The following BCL2L14 variants were observed in gnomAD, a reference collection of about 807,000 sequenced individuals.
The protein encoded by BCL2L14 is apoptosis facilitator Bcl-2-like protein 14.
Under a neutral mutation model 35.3 loss-of-function variants are expected in BCL2L14, and 27 were observed. The ratio of observed to expected loss-of-function variants is 0.76; its 90% CI spans 0.56 to 1.05. The LOEUF is 1.05. BCL2L14 is among the 50% of genes least tolerant of loss of function. BCL2L14 has a pLI of 0.00. For missense variants in BCL2L14, 377 were observed against 382.6 expected (o/e 0.99, Z 0.12); for synonymous variants, 139 against 145.9 (o/e 0.95, Z 0.34).
intron 1 of BCL2L14, 59 bp from the exon 2 acceptor site, chr12:12,079,240 A>T: frequency 5.6e-6 from 8 of 1,425,404 alleles, no homozygotes; most frequent in Non-Finnish European, 7.7e-6. Context: ...GTCTCTCCTA[A>T]CCTGCAAAGG....
chr12:12,097,131 C>A (rs952380712), intron 5 of BCL2L14, among the ~76,000 whole-genome samples: 1 of 151,670 alleles, frequency 6.6e-6, no homozygotes, highest in Non-Finnish European at 1.5e-5. Context: ...GGAGAGAGAG[C>A]GAGACTCTGT....
upstream of BCL2L14, chr12:12,068,289 T>A (rs1382688238): frequency 2.5e-6 from 1 of 397,568 alleles, no homozygotes; most frequent in Non-Finnish European, 4.4e-6. Flanking sequence ...AAACATTGTT[T>A]AGTTATGTAA....
In BCL2L14 at chr12:12,099,152, G is replaced by A. The variant is rs530383236; in HGVS notation, c.*164G>A. 48 of 594,242 alleles carry A rather than the reference G, an allele frequency of 8.1e-5. No homozygotes were observed. Among genetic ancestry groups the A allele is most frequent in the African/African-American group, 3.0e-4 (16 of 53,498 alleles). 36.8% of individuals were successfully genotyped at this position (594,242 alleles called of 1,614,324 possible). On this transcript the variant is annotated 3_prime_UTR_variant, in exon 6 of 6. Transcript: ENST00000308721. ...AGAGGCATCAGGAGAGGTCTCGTTC[G>A]TCTCCAGCTCATAAAATGTAGCAGC...
At chr12:12,084,210 T>C (rs1008930756) in intron 2 of BCL2L14, among the ~76,000 whole-genome samples, 2 of 152,182 alleles carry the variant, frequency 1.3e-5, no homozygotes, top group Non-Finnish European at 2.9e-5. Context: ...GGCCTCGCCT[T>C]GGCCTCCCAA....
chr12:12,079,988 A>G (rs888768345), intron 2 of BCL2L14, among the ~76,000 whole-genome samples: 3 of 152,132 alleles, frequency 2.0e-5, no homozygotes, highest in Admixed American at 6.5e-5. Context: ...GTGGATCATG[A>G]GGTCAGGAGA....
intron 2 of BCL2L14, chr12:12,055,774 T>C (rs1444535733): frequency 1.3e-5 from 2 of 152,226 alleles, no homozygotes; most frequent in Non-Finnish European, 2.9e-5. Flanking sequence ...TCCCTTCTTC[T>C]GTCATTAACA....
chr12:12,066,954 C>T (rs1948601581), upstream of BCL2L14, among the ~76,000 whole-genome samples: 1 of 152,148 alleles, frequency 6.6e-6, no homozygotes, highest in Non-Finnish European at 1.5e-5. Flanking sequence ...TCGTGATCTA[C>T]CTGCCTTGGC....
chr12:12,079,434 C>A lies in BCL2L14; in HGVS notation c.129C>A (p.Phe43Leu). The A allele has an allele frequency of 6.2e-7, 1 of 1,614,236 alleles. No homozygotes were observed. Among genetic ancestry groups the A allele is most frequent in the East Asian group, 2.2e-5 (1 of 44,880 alleles). Residue 43 changes from phenylalanine to leucine, a missense_variant, in exon 2 of 6, where the codon TTC becomes TTA. Physicochemically the swap from Phe to Leu is conservative, Grantham distance 22. Transcript: ENST00000308721. ...HHVFKSTPAL[F>L]SPKLLRTRSL... ...TCTTCAAGAGCACCCCTGCTCTCTT[C>A]TCACCAAAGCTGCTGAGAACAAGAA...
chr12:12,081,904 G>A (rs1430470885), intron 2 of BCL2L14, among the ~76,000 whole-genome samples: 2 of 152,082 alleles, frequency 1.3e-5, no homozygotes, highest in African/African-American at 4.8e-5. Context: ...GAGTTTCATT[G>A]GCCTGGGTAA....
At chr12:12,085,439 G>A (rs1949021090) in intron 2 of BCL2L14, among the ~76,000 whole-genome samples, 1 of 152,220 alleles carries the variant, frequency 6.6e-6, no homozygotes, top group Non-Finnish European at 1.5e-5. Context: ...AGTTCCAGCG[G>A]AGGCCGGCTG....
Position 12,087,225 on chromosome 12 carries a change from A to G in BCL2L14, c.446A>G (p.Lys149Arg), listed in dbSNP as rs1949064795. The change falls in exon 3 of 6, where the codon AAA (lysine) becomes AGA (arginine). Residue 149 changes from lysine (K) to arginine (R), a missense_variant. Physicochemically the swap from Lys to Arg is conservative, Grantham distance 26. Transcript: ENST00000308721. ...TGTCTTGTTTCAGCTGTGGACCCCA[A>G]AGTCATTTCCATTGCCAACCGAGTA... Reference protein sequence around the residue: ...QCLEHEAVDPKVISIANRVAE... With the variant: ...QCLEHEAVDPRVISIANRVAE... The G allele has an allele frequency of 6.2e-7, 1 of 1,614,148 alleles. No homozygotes were observed. Among genetic ancestry groups the G allele is most frequent in the Non-Finnish European group, 8.5e-7 (1 of 1,180,028 alleles).
intron 4 of BCL2L14, 91 bp downstream of exon 4, chr12:12,090,940 C>G: frequency 1.1e-6 from 1 of 945,632 alleles, no homozygotes; most frequent in Non-Finnish European, 1.5e-6. Flanking sequence ...CAACCTTATT[C>G]CCTTTCTAAG....
intron 2 of BCL2L14, chr12:12,055,922 C>T (rs532016335): frequency 2.6e-5 from 4 of 152,278 alleles, no homozygotes; most frequent in African/African-American, 9.6e-5. Context: ...CCAATCAGGC[C>T]CCATCCTTGG....
intron 2 of BCL2L14, among the ~76,000 whole-genome samples, chr12:12,060,868 C>T (rs1429203452): frequency 8.2e-4 from 97 of 117,882 alleles, no homozygotes; most frequent in African/African-American, 2.8e-3. Flanking sequence ...TGACGCTGCC[C>T]GATAGCTTCG....
At chr12:12,084,511 G>A (rs755583694) in intron 2 of BCL2L14, among the ~76,000 whole-genome samples, 1 of 151,928 alleles carries the variant, frequency 6.6e-6, no homozygotes. Context: ...GACCACAGGC[G>A]AAATGGGACC....
chr12:12,075,192 C>A (rs183877619), intron 1 of BCL2L14, among the ~76,000 whole-genome samples: 1 of 151,546 alleles, frequency 6.6e-6, no homozygotes, highest in African/African-American at 2.4e-5. Context: ...GCGCGATCCC[C>A]GCTCACTGCA....
At chr12:12,085,201 C>T (rs765097837) in intron 2 of BCL2L14, among the ~76,000 whole-genome samples, 2 of 152,012 alleles carry the variant, frequency 1.3e-5, no homozygotes, top group African/African-American at 4.8e-5. Context: ...GGGGACAGAG[C>T]CTTTGGGACC....
chr12:12,073,602 GCACA>G lies in BCL2L14; in HGVS notation c.-8+2476_-8+2479del, dbSNP rs58315357. On this transcript the variant is annotated intron_variant, in intron 1 of 5. Transcript: ENST00000308721. ...CGCACACACAAACATGCATGCACGC[GCACA>G]CACACACACAATTTTAAAGCCCTCG... Among the ~76,000 whole-genome samples the G allele has an allele frequency of 1.3e-3, 204 of 151,570 alleles. 1 individual carries two copies. Among genetic ancestry groups the G allele is most frequent in the African/African-American group, 1.6e-3 (67 of 41,284 alleles).
At chr12:12,096,183 CTA>C (rs1159700424) in intron 5 of BCL2L14, 11 of 971,284 alleles carry the variant, frequency 1.1e-5, no homozygotes, top group Non-Finnish European at 1.2e-5. Context: ...TCCCAATTGA[CTA>C]TGTTTCAAGC....
Sources: gnomAD v4.1 joint callset for allele counts (sites outside exome capture counted in the v4.1 genomes callset) on GRCh38, gnomAD v4.1.1 for gene constraint, MANE v1.5 for transcripts, NCBI Gene and HGNC (gene_info 2026-07-23, HGNC 2026-07-21) for gene names.